UNC79: variants seen among roughly 807,000 people sequenced by gnomAD.
UNC79 encodes the protein protein unc-79 homolog.
In UNC79, 37 loss-of-function variants were observed where a neutral mutation model predicts 283.1. That is an observed-to-expected ratio of 0.13 (90% CI 0.10 to 0.17). UNC79 has a LOEUF of 0.17. UNC79 is among the 10% of genes least tolerant of loss of function. The pLI, the probability that UNC79 is intolerant of heterozygous loss-of-function variation, is 1.00. For synonymous variants in UNC79, 1,107 were observed against 1,200.2 expected, an observed-to-expected ratio of 0.92 and a Z score of 1.61; for missense variants, 2,272 against 3,211.1, an observed-to-expected ratio of 0.71 and a Z score of 7.07.
At chr14:93,455,852 C>A (rs748692735) in intron 1 of UNC79, among the ~76,000 whole-genome samples, 24 of 151,736 alleles carry the variant, frequency 1.6e-4, no homozygotes, top group Non-Finnish European at 8.8e-5. Context: ...TTCAAATAAA[C>A]CCTGGATTTG....
At chr14:93,627,771 A>G (rs1282051717) in intron 30 of UNC79, among the ~76,000 whole-genome samples, 1 of 152,248 alleles carries the variant, frequency 6.6e-6, no homozygotes, top group African/African-American at 2.4e-5. Context: ...CACATCTCTC[A>G]AATATTGCAT....
chr14:93,513,294 T>C (rs1431821276), intron 7 of UNC79, among the ~76,000 whole-genome samples: 2 of 148,222 alleles, frequency 1.3e-5, no homozygotes, highest in Admixed American at 1.4e-4. Flanking sequence ...CAATCATAGC[T>C]CACTGCAATC....
chr14:93,466,488 T>C (rs1022214479), intron 1 of UNC79, among the ~76,000 whole-genome samples: 1 of 152,228 alleles, frequency 6.6e-6, no homozygotes, highest in Non-Finnish European at 1.5e-5. Context: ...ATGTGCCTCA[T>C]TTTCCCCATC....
chr14:93,458,752 C>T (rs1050544732), intron 1 of UNC79, among the ~76,000 whole-genome samples: 2 of 152,042 alleles, frequency 1.3e-5, no homozygotes, highest in African/African-American at 2.4e-5. Context: ...TTTCAACCAC[C>T]GTGCTACTGT....
At chr14:93,622,467 A>C (rs1406423994) in exon 30 of UNC79, 1 of 1,614,064 alleles carries the variant, frequency 6.2e-7, no homozygotes, top group Admixed American at 1.7e-5. Flanking sequence ...ACGCTGAAGC[A>C]AAAACGAGAC....
chr14:93,505,063 A>AT (rs559556462), intron 7 of UNC79, among the ~76,000 whole-genome samples: 23 of 152,042 alleles, frequency 1.5e-4, no homozygotes, highest in African/African-American at 5.1e-4. Flanking sequence ...ACATATGGTC[A>AT]TTTTTGTAAA....
At chr14:93,425,543 G>A (rs1190553313), upstream of UNC79, among the ~76,000 whole-genome samples, 1 of 152,024 alleles carries the variant, frequency 6.6e-6, no homozygotes, top group African/African-American at 2.4e-5. Context: ...ACATACCTGT[G>A]GTCCAGAATA....
exon 41 of UNC79, chr14:93,673,384 G>A (rs766567703): frequency 2.5e-6 from 4 of 1,612,946 alleles, no homozygotes; most frequent in South Asian, 2.2e-5. Flanking sequence ...TCGTAGTGTT[G>A]TTCTAGAACT....
At chr14:93,445,533 A>G (rs1291245155) in intron 1 of UNC79, among the ~76,000 whole-genome samples, 2 of 152,142 alleles carry the variant, frequency 1.3e-5, no homozygotes, top group Non-Finnish European at 2.9e-5. Context: ...GGAGTTTTGT[A>G]TCTGTGTTTT....
intron 7 of UNC79, among the ~76,000 whole-genome samples, chr14:93,501,588 T>C (rs1199104488): frequency 2.6e-5 from 4 of 151,892 alleles, no homozygotes; most frequent in Non-Finnish European, 5.9e-5. Context: ...CTTGGGAGGC[T>C]GAGGCAGGGG....
rs977176819 is a variant in UNC79 at position 93,475,679 on chromosome 14, A to G, written c.448+1286A>G. Among the ~76,000 whole-genome samples the G allele has an allele frequency of 2.0e-5, 3 of 152,162 alleles. No homozygotes were observed. The East Asian group carries it at 5.8e-4, about 29-fold the overall frequency. On this transcript the variant is annotated intron_variant, in intron 3 of 48. Coordinates refer to ENST00000555664, the Ensembl canonical transcript of UNC79. ...AGCTTGTCAGTGCGTCTCCTTCGTG[A>G]CTACTAGTCCTGAACTCACCTGGGA...
chr14:93,442,758 T>C (rs2056342152), intron 1 of UNC79, among the ~76,000 whole-genome samples: 1 of 152,154 alleles, frequency 6.6e-6, no homozygotes, highest in Non-Finnish European at 1.5e-5. Flanking sequence ...TTGCTAAGAA[T>C]ATACAGTCAT....
At chr14:93,657,351 ATTT>A (rs11322674) in intron 38 of UNC79, among the ~76,000 whole-genome samples, 26 of 136,884 alleles carry the variant, frequency 1.9e-4, no homozygotes, top group East Asian at 4.2e-4. Context: ...GGTATGGCAA[ATTT>A]TTTTTTTTTT....
chr14:93,418,309 C>T (rs1274835742), intron 1 of UNC79, among the ~76,000 whole-genome samples: 1 of 151,732 alleles, frequency 6.6e-6, no homozygotes, highest in Non-Finnish European at 1.5e-5. Context: ...GCCTGGGTAC[C>T]AGCAGCGGTG....
intron 1 of UNC79, among the ~76,000 whole-genome samples, chr14:93,411,059 T>A (rs914613490): frequency 2.0e-5 from 3 of 152,164 alleles, no homozygotes; most frequent in African/African-American, 7.2e-5. Flanking sequence ...GGGTCTACCC[T>A]GAGTCAGAGG....
chr14:93,404,204 C>T (rs564172792), intron 1 of UNC79, among the ~76,000 whole-genome samples: 3 of 149,002 alleles, frequency 2.0e-5, no homozygotes, highest in Non-Finnish European at 3.0e-5. Context: ...AATGGGGAGT[C>T]GTATTCAGTT....
intron 1 of UNC79, among the ~76,000 whole-genome samples, chr14:93,391,850 A>G (rs2054889778): frequency 6.6e-6 from 1 of 152,250 alleles, no homozygotes; most frequent in South Asian, 2.1e-4. Context: ...TGTGCAATAA[A>G]TGCATGAGAA....
chr14:93,381,161 G>T (rs2054657097), intron 1 of UNC79, among the ~76,000 whole-genome samples: 1 of 152,200 alleles, frequency 6.6e-6, no homozygotes, highest in Admixed American at 6.5e-5. Flanking sequence ...TCTAAAGTGA[G>T]ATGGAAGATC....
intron 26 of UNC79, among the ~76,000 whole-genome samples, chr14:93,605,449 T>G (rs1425030662): frequency 1.3e-5 from 2 of 152,166 alleles, no homozygotes; most frequent in Admixed American, 6.5e-5. Context: ...ATTTCCTCTG[T>G]TTGGAGGACC....
Sources: gnomAD v4.1 joint callset for allele counts (sites outside exome capture counted in the v4.1 genomes callset) on GRCh38, gnomAD v4.1.1 for gene constraint, MANE v1.5 for transcripts, NCBI Gene and HGNC (gene_info 2026-07-23, HGNC 2026-07-21) for gene names.